The following AURKB variants were observed in gnomAD, a reference collection of about 807,000 sequenced individuals.
The protein encoded by AURKB is aurora kinase B.
AURKB carries 28 observed loss-of-function variants against 36.5 expected under a neutral mutation model. The ratio of observed to expected loss-of-function variants is 0.77; its 90% CI spans 0.57 to 1.05. AURKB has a LOEUF of 1.05. Ranked by LOEUF, AURKB falls within the 50% of genes least tolerant of loss-of-function variation. The pLI, the probability that AURKB is intolerant of heterozygous loss-of-function variation, is 0.00. For synonymous variants in AURKB, 175 were observed against 172.9 expected, an observed-to-expected ratio of 1.01 and a Z score of -0.09; for missense variants, 383 against 447.4, an observed-to-expected ratio of 0.86 and a Z score of 1.30.
Position 8,204,973 on chromosome 17 carries a change from G to C in AURKB, c.933C>G (p.Asn311Lys). ...GGGCCAGGGGCAGCCGTTCCGAGGG[G>C]TTATGCCTGAGCAGTTTGGAGATGA... ...QDLISKLLRH[N>K]PSERLPLAQV... is the part of the protein sequence containing the mutation. Residue 311 changes from asparagine (N) to lysine (K), a missense_variant, in exon 9 of 9, where the codon AAC becomes AAG. By Grantham distance (94) the Asn-to-Lys change is moderately conservative (BLOSUM62 0). Transcript: ENST00000585124. 6.2e-7 allele frequency: 1 copy of C among 1,609,584 alleles called. No homozygotes were observed. Among genetic ancestry groups the C allele is most frequent in the Non-Finnish European group, 8.5e-7 (1 of 1,178,976 alleles).
chr17:8,206,482 C>G lies in AURKB; in HGVS notation c.686+9G>C. 1 of 1,614,042 alleles carries G rather than the reference C, an allele frequency of 6.2e-7. No individual in the cohort carries two copies. The highest frequency in any genetic ancestry group is 1.1e-5 in the South Asian group (1 of 91,078). On this transcript the variant is annotated intron_variant, in intron 7 of 8. Transcript: ENST00000585124. The surrounding 1 kb of genome is among the most constrained non-coding windows in gnomAD (Gnocchi z 4.2). ...TCACACCCAGGTCTGGCCTCCCAGG[C>G]CACCATACCTCAGGGAGGGCGCATG...
In AURKB at chr17:8,208,632, A is replaced by ATAAT. The variant is rs1555529387; in HGVS notation, c.49-793_49-792insATTA. ...AATAAATAAATAAATAAATAAATAA[A>ATAAT]AAATAAATAACCTAAGTAGGCCTAA... On this transcript the variant is annotated intron_variant, in intron 2 of 8. Transcript: ENST00000585124. Among the ~76,000 whole-genome samples, 1,235 of 137,988 alleles carry ATAAT rather than the reference A, an allele frequency of 9.0e-3. 4 individuals carry two copies. Among genetic ancestry groups the ATAAT allele is most frequent in the Middle Eastern group, 0.022 (6 of 276 alleles). 90.5% of individuals were successfully genotyped at this position (137,988 alleles called of 152,430 possible).
Position 8,204,876 on chromosome 17 carries a change from C to A in AURKB, c.1030G>T (p.Ala344Ser), listed in dbSNP as rs201709756. 2.5e-6 allele frequency: 4 copies of A among 1,611,498 alleles called. No individual in the cohort carries two copies. Among genetic ancestry groups the A allele is most frequent in the East Asian group, 2.2e-5 (1 of 44,858 alleles). The change falls in exon 9 of 9, where the codon GCC (alanine) becomes TCC (serine). Residue 344 changes from alanine (A) to serine (S), a missense_variant. Physicochemically the swap from Ala to Ser is moderately conservative, Grantham distance 99. Around this residue, in one of 3 missense-constraint regions of AURKB, gnomAD observed 219 missense variants for 252.6 expected, o/e 0.87. Coordinates refer to ENST00000585124, the MANE Select transcript of AURKB (RefSeq NM_004217.4). ...VLPPSALQSVA is the reference protein window; with the variant it reads ...VLPPSALQSVS The stretch of plus-strand genomic sequence containing the variant: ...CGAGTGAATGACAGGGACCATCAGG[C>A]GACAGATTGAAGGGCAGAGGGAGGC...
At chr17:8,205,138 G>A (rs1985053441) in intron 8 of AURKB, 78 bp downstream of exon 8, 7 of 1,549,170 alleles carry the variant, frequency 4.5e-6, no homozygotes, top group African/African-American at 1.4e-5. Context: ...TTAGGGCCAT[G>A]CAAATACACT....
rs367712236 is a variant in AURKB at position 8,206,060 on chromosome 17, A to G, written c.686+431T>C. Among the ~76,000 whole-genome samples, 6 of 151,052 alleles carry G rather than the reference A, an allele frequency of 4.0e-5. No individual in the cohort carries two copies. The highest frequency in any genetic ancestry group is 1.5e-4 in the African/African-American group (6 of 41,156). On this transcript the variant is annotated intron_variant, in intron 7 of 8. Transcript: ENST00000585124. The surrounding 1 kb of genome is among the most constrained non-coding windows in gnomAD (Gnocchi z 4.2). ...TAGGCGTGAGCCACCGCGCCTGGCC[A>G]AAGTTTTACCATTGGCCCCTACAGG...
chr17:8,208,762 TA>T (rs1365802405), intron 2 of AURKB, among the ~76,000 whole-genome samples: 2 of 152,122 alleles, frequency 1.3e-5, no homozygotes, highest in Non-Finnish European at 2.9e-5. Context: ...GTCCTGTCCA[TA>T]ACAACACAGT....
At position 8,205,240 on chromosome 17, in the gene AURKB, G is replaced by A. The variant is rs565442198; in HGVS notation, c.837C>T (p.Asn279=). The A allele has an allele frequency of 2.2e-5, 35 of 1,613,982 alleles. 1 individual carries two copies. Among genetic ancestry groups the A allele is most frequent in the African/African-American group, 1.2e-4 (9 of 74,994 alleles). ...GNPPFESASH[N]ETYRRIVKVD... is the part of the protein sequence containing the mutation. The stretch of plus-strand genomic sequence containing the variant: ...CCTTGACGATGCGGCGATAGGTCTC[G>A]TTGTGTGATGCACTCTCAAAGGGTG... The change falls in exon 8 of 9, where the codon AAC becomes AAT. Residue 279 remains asparagine, a synonymous_variant. Transcript: ENST00000585124.
intron 2 of AURKB, 140 bp downstream of exon 2, chr17:8,210,037 G>T: frequency 1.7e-6 from 2 of 1,174,840 alleles, no homozygotes; most frequent in Non-Finnish European, 2.5e-6. Flanking sequence ...GGGTTCTGTC[G>T]TCAAACTTGG....
At chr17:8,207,065 G>C in intron 5 of AURKB, 111 bp downstream of exon 5, 7 of 1,437,866 alleles carry the variant, frequency 4.9e-6, no homozygotes, top group Non-Finnish European at 6.6e-6. Context: ...GAGCTAAATG[G>C]GGCTCACTAG....
Position 8,205,059 on chromosome 17 carries a change from A to G in AURKB, c.862-15T>C. On this transcript the variant is annotated splice_polypyrimidine_tract_variant and intron_variant, in intron 8 of 8. Transcript: ENST00000585124. ...TTTAGGTCCACCTGCAGGTGTGAAGAGATGGAAGGGCTGCATTAGTTTCAC... is the reference window on the plus strand; with the variant it reads ...TTTAGGTCCACCTGCAGGTGTGAAGGGATGGAAGGGCTGCATTAGTTTCAC... The G allele has an allele frequency of 6.4e-7, 1 of 1,574,234 alleles. No homozygotes were observed. The highest frequency in any genetic ancestry group is 8.6e-7 in the Non-Finnish European group (1 of 1,162,126).
chr17:8,205,149 C>T (rs1985054689), intron 8 of AURKB, 67 bp downstream of exon 8: 2 of 1,553,870 alleles, frequency 1.3e-6, no homozygotes, highest in Non-Finnish European at 1.7e-6. Flanking sequence ...CAAATACACT[C>T]TGCCCACCCC....
At chr17:8,210,139 G>T (rs1462753164) in intron 2 of AURKB, 38 bp downstream of exon 2, 1 of 1,611,040 alleles carries the variant, frequency 6.2e-7, no homozygotes, top group South Asian at 1.1e-5. Context: ...TCGCCATGCG[G>T]GGTCATGGGG....
intron 2 of AURKB, 92 bp from the exon 3 acceptor site, chr17:8,207,932 G>A (rs1409215628): frequency 4.8e-6 from 5 of 1,039,586 alleles, no homozygotes; most frequent in South Asian, 1.7e-5. Flanking sequence ...CCTTGCTAAA[G>A]AGCCACCCAC....
chr17:8,208,815 G>A (rs1275632445), intron 2 of AURKB, among the ~76,000 whole-genome samples: 7 of 152,120 alleles, frequency 4.6e-5, no homozygotes, highest in South Asian at 2.1e-4. Context: ...AGAGAGCTGC[G>A]TCAATGAACA....
rs1251524501 is a variant in AURKB, at chr17:8,206,387, TCC to T, written c.686+102_686+103del. Reference sequence around the variant, plus strand: ...CTCAGGTGATCCGCCCTCCTCGGCCTCCCAAAGTGCTGGGATTACAGGTGTGA... The same window carrying T: ...CTCAGGTGATCCGCCCTCCTCGGCCTCAAAGTGCTGGGATTACAGGTGTGA... On this transcript the variant is annotated intron_variant, in intron 7 of 8. Transcript: ENST00000585124. This position sits in a 1 kb window ranked among gnomAD's most constrained non-coding sequence, Gnocchi z 4.2. 57 of 1,452,386 alleles carry T rather than the reference TCC, an allele frequency of 3.9e-5. No homozygotes were observed. Among genetic ancestry groups the T allele is most frequent in the Non-Finnish European group, 5.1e-5 (55 of 1,071,940 alleles). 90.0% of individuals were successfully genotyped at this position (1,452,386 alleles called of 1,614,324 possible).
chr17:8,208,709 C>G (rs1047443837), intron 2 of AURKB, among the ~76,000 whole-genome samples: 70 of 152,294 alleles, frequency 4.6e-4, no homozygotes, highest in African/African-American at 1.6e-3. Context: ...TTCTTTGGCC[C>G]TGGCCCACAC....
chr17:8,207,858 G>T lies in AURKB; in HGVS notation c.49-18C>A, dbSNP rs1567574960. 4 of 1,596,570 alleles carry T rather than the reference G, an allele frequency of 2.5e-6. No individual in the cohort carries two copies. The highest frequency in any genetic ancestry group is 3.4e-6 in the Non-Finnish European group (4 of 1,169,970). On this transcript the variant is annotated intron_variant, in intron 2 of 8. Transcript: ENST00000585124. ...GATGGAGCCTGAGAAGGAGCAGGGG[G>T]TAGCTCTGAGGGTGCCTTTGTCTGA...
rs1479511918 is a variant in AURKB, at chr17:8,206,870, A to G, written c.417T>C (p.Arg139=). 4 of 1,614,226 alleles carry G rather than the reference A, an allele frequency of 2.5e-6. No individual in the cohort carries two copies. In the South Asian group the frequency reaches 4.4e-5, roughly 18 times the overall value. Residue 139 remains arginine (R), a synonymous_variant, in exon 6 of 9, where the codon CGT becomes CGC. Coordinates refer to ENST00000585124, the MANE Select transcript of AURKB (RefSeq NM_004217.4). This position sits in a 1 kb window ranked among gnomAD's most constrained non-coding sequence, Gnocchi z 4.2. The part of the protein sequence containing the change: ...QAHLHHPNIL[R]LYNYFYDRRR... ...TCCGGTCATAAAAATAGTTGTAGAG[A>G]CGCAGGATGTTGGGATGGCTGGGGG... is the stretch of plus-strand genomic sequence containing the variant.
rs141915374 is a variant in AURKB, at chr17:8,207,196, G to T, written c.378C>A (p.Ile126=). The change falls in exon 5 of 9, where the codon ATC becomes ATA. Residue 126 remains isoleucine, a synonymous_variant. Coordinates refer to ENST00000585124, the MANE Select transcript of AURKB (RefSeq NM_004217.4). Reference sequence around the variant, plus strand: ...CATACTGCAGGTGGGCCTGGATTTCGATCTCTCTGCGCAGCTGATGCTCCA... The same window carrying T: ...CATACTGCAGGTGGGCCTGGATTTCTATCTCTCTGCGCAGCTGATGCTCCA... ...EGVEHQLRRE[I]EIQAHLHHPN... 11 of 1,612,718 alleles carry T rather than the reference G, an allele frequency of 6.8e-6. No homozygotes were observed. The highest frequency in any genetic ancestry group is 1.3e-5 in the African/African-American group (1 of 74,878).
Sources: allele counts gnomAD v4.1 joint callset (sites outside exome capture counted in the v4.1 genomes callset), GRCh38; gene constraint gnomAD v4.1.1; regional missense constraint gnomAD v4.1.1; non-coding constraint Gnocchi (gnomAD v3.1); transcripts MANE v1.5; gene names NCBI Gene and HGNC (gene_info 2026-07-23, HGNC 2026-07-21).